Variants in CLEC16A observed in about 807,000 individuals in gnomAD.
CLEC16A encodes protein CLEC16A.
Under a neutral mutation model 109.5 loss-of-function variants are expected in CLEC16A, and 51 were observed. That is an observed-to-expected ratio of 0.47 (90% CI 0.37 to 0.59). The LOEUF is 0.59. Ranked by LOEUF, CLEC16A falls within the 20% of genes least tolerant of loss-of-function variation. The probability of loss-of-function intolerance (pLI) is 0.00; values close to 1 mark genes in which losing one functional copy is unlikely to be tolerated. For missense variants in CLEC16A, 1,339 were observed against 1,394.0 expected (o/e 0.96, Z 0.63); for synonymous variants, 673 against 564.2 (o/e 1.19, Z -2.73).
chr16:11,146,959 C>T (rs1302501741), intron 22 of CLEC16A, among the ~76,000 whole-genome samples: 2 of 152,142 alleles, frequency 1.3e-5, no homozygotes, highest in African/African-American at 4.8e-5. Context: ...CCTCAGGGAA[C>T]TGGCAGATGC....
At chr16:10,973,113 G>A (rs2042873170) in intron 7 of CLEC16A, 52 bp downstream of exon 7, 2 of 1,539,350 alleles carry the variant, frequency 1.3e-6, no homozygotes, top group Non-Finnish European at 1.8e-6. Flanking sequence ...GGTTAGGGGA[G>A]AATTCTGTTT....
chr16:10,974,985 G>C (rs2042968105), intron 7 of CLEC16A, among the ~76,000 whole-genome samples: 1 of 152,160 alleles, frequency 6.6e-6, no homozygotes, highest in South Asian at 2.1e-4. Flanking sequence ...AGTCCATGCA[G>C]ATTTTCTAGA....
chr16:11,123,099 T>C (rs562270199), intron 20 of CLEC16A, among the ~76,000 whole-genome samples: 1 of 152,054 alleles, frequency 6.6e-6, no homozygotes, highest in South Asian at 2.1e-4. Context: ...AGACTGGGTT[T>C]CACCCTCTTG....
intron 10 of CLEC16A, among the ~76,000 whole-genome samples, chr16:10,992,915 A>G (rs924687025): frequency 6.6e-5 from 10 of 152,008 alleles, no homozygotes; most frequent in Non-Finnish European, 1.5e-4. Context: ...TTGAGAACTG[A>G]GGTCAGGGAG....
intron 19 of CLEC16A, among the ~76,000 whole-genome samples, chr16:11,094,959 G>C (rs1406464126): frequency 6.6e-6 from 1 of 152,130 alleles, no homozygotes; most frequent in East Asian, 1.9e-4. Flanking sequence ...TTGCAGCTCT[G>C]GGCTCCCTCA....
At chr16:11,157,629 A>G (rs74582495) in intron 22 of CLEC16A, among the ~76,000 whole-genome samples, 7 of 152,268 alleles carry the variant, frequency 4.6e-5, no homozygotes, top group Non-Finnish European at 1.0e-4. Flanking sequence ...CCCTGCCCAC[A>G]TGTCAGTGAA....
At chr16:11,048,665 A>T (rs1391009855) in intron 17 of CLEC16A, 1 of 152,068 alleles carries the variant, frequency 6.6e-6, no homozygotes, top group Non-Finnish European at 1.5e-5. Flanking sequence ...AATTGGCATA[A>T]GTCATCTCCA....
chr16:11,089,841 C>T (rs571532680), intron 19 of CLEC16A, among the ~76,000 whole-genome samples: 82 of 152,354 alleles, frequency 5.4e-4, no homozygotes, highest in African/African-American at 1.9e-3. Context: ...CGCCAGGCAC[C>T]GGTCCAAACC....
chr16:11,069,909 A>G (rs1350996373), intron 19 of CLEC16A, among the ~76,000 whole-genome samples: 2 of 152,202 alleles, frequency 1.3e-5, no homozygotes, highest in East Asian at 3.8e-4. Context: ...CATAGGTTAT[A>G]TGCAAATACG....
chr16:11,152,742 T>G (rs952407584), intron 22 of CLEC16A, among the ~76,000 whole-genome samples: 1 of 152,238 alleles, frequency 6.6e-6, no homozygotes, highest in African/African-American at 2.4e-5. Flanking sequence ...CCTGTCCTAA[T>G]GACGTTCCCA....
At chr16:10,995,786 G>C (rs1174283497) in intron 10 of CLEC16A, among the ~76,000 whole-genome samples, 1 of 152,090 alleles carries the variant, frequency 6.6e-6, no homozygotes, top group Non-Finnish European at 1.5e-5. Flanking sequence ...GTCTGCCTGG[G>C]CATGTTTTTT....
At chr16:10,970,311 A>G (rs1464981243) in intron 4 of CLEC16A, among the ~76,000 whole-genome samples, 2 of 152,122 alleles carry the variant, frequency 1.3e-5, no homozygotes, top group African/African-American at 4.8e-5. Flanking sequence ...TCCAAAGAAA[A>G]CTTTCTCAGA....
At chr16:11,145,830 G>C (rs2054030529) in intron 22 of CLEC16A, among the ~76,000 whole-genome samples, 1 of 152,228 alleles carries the variant, frequency 6.6e-6, no homozygotes, top group African/African-American at 2.4e-5. Flanking sequence ...TGTGAGTCGG[G>C]TCAAGTGTCT....
Position 11,159,671 on chromosome 16 carries a change from A to G in CLEC16A, c.2642-6717A>G, listed in dbSNP as rs919188575. 3.3e-5 allele frequency among the ~76,000 whole-genome samples: 5 copies of G among 152,334 alleles called. No individual in the cohort carries two copies. In the East Asian group the frequency reaches 7.7e-4, roughly 23 times the overall value. ...CAAAGACATGCCCCAGGAGGGTTTC[A>G]TGGGACAGAAACCTTGTGGGTGAAT... On this transcript the variant is annotated intron_variant, in intron 22 of 23. Coordinates refer to ENST00000409790, the MANE Select transcript of CLEC16A (RefSeq NM_015226.3).
intron 19 of CLEC16A, among the ~76,000 whole-genome samples, chr16:11,101,224 G>A (rs531134935): frequency 1.0e-3 from 158 of 152,196 alleles, no homozygotes; most frequent in Admixed American, 3.0e-3. Context: ...TTCAGTTCTC[G>A]CAGTGATCTT....
intron 7 of CLEC16A, among the ~76,000 whole-genome samples, chr16:10,975,294 A>C (rs997482610): frequency 6.6e-6 from 1 of 152,122 alleles, no homozygotes; most frequent in African/African-American, 2.4e-5. Context: ...GCACCACTGC[A>C]CTCCAGCCTG....
intron 13 of CLEC16A, among the ~76,000 whole-genome samples, chr16:11,035,085 C>T (rs545552691): frequency 2.0e-5 from 3 of 152,260 alleles, no homozygotes; most frequent in African/African-American, 7.2e-5. Flanking sequence ...CTAATGTTCG[C>T]CACAAATTAA....
intron 11 of CLEC16A, among the ~76,000 whole-genome samples, chr16:11,006,304 A>G (rs1421951741): frequency 6.6e-6 from 1 of 152,144 alleles, no homozygotes; most frequent in African/African-American, 2.4e-5. Context: ...AAAAAATGAG[A>G]TGCGTTTATC....
chr16:11,097,177 A>G (rs1177154545), intron 19 of CLEC16A, among the ~76,000 whole-genome samples: 1 of 152,228 alleles, frequency 6.6e-6, no homozygotes, highest in Non-Finnish European at 1.5e-5. Flanking sequence ...GTTAAAGGAC[A>G]TGCCCAGCTG....
Sources: gnomAD v4.1 joint callset for allele counts (sites outside exome capture counted in the v4.1 genomes callset) on GRCh38, gnomAD v4.1.1 for gene constraint, MANE v1.5 for transcripts, NCBI Gene and HGNC (gene_info 2026-07-23, HGNC 2026-07-21) for gene names.